Variants in VAV3 observed in about 807,000 individuals in gnomAD.
VAV3 encodes vav guanine nucleotide exchange factor 3.
In VAV3, 94 loss-of-function variants were observed where a neutral mutation model predicts 131.2. That is an observed-to-expected ratio of 0.72 (90% CI 0.61 to 0.85). The LOEUF (loss-of-function observed/expected upper bound fraction) is 0.85, where lower values mean the gene tolerates loss of function less well. Ranked by LOEUF, VAV3 falls within the 40% of genes least tolerant of loss-of-function variation. VAV3 has a pLI of 0.00. For synonymous variants in VAV3, 349 were observed against 342.0 expected (o/e 1.02, Z -0.22); for missense variants, 939 against 1,002.7 (o/e 0.94, Z 0.86).
At chr1:107,637,516 A>T (rs1655020843) in intron 20 of VAV3, among the ~76,000 whole-genome samples, 1 of 152,056 alleles carries the variant, frequency 6.6e-6, no homozygotes, top group South Asian at 2.1e-4. Context: ...CCAGCTACTC[A>T]TGTGGCTGAG....
At chr1:107,585,709 G>T (rs1650427698) in intron 25 of VAV3, among the ~76,000 whole-genome samples, 1 of 152,130 alleles carries the variant, frequency 6.6e-6, no homozygotes, top group South Asian at 2.1e-4. Context: ...CACCACTAGT[G>T]CCATGTGATG....
chr1:107,669,725 T>G (rs1657651850), intron 19 of VAV3, among the ~76,000 whole-genome samples: 2 of 152,118 alleles, frequency 1.3e-5, no homozygotes, highest in Non-Finnish European at 2.9e-5. Context: ...CATCTATTCG[T>G]GAGGTGCTGT....
chr1:107,749,174 A>G (rs1425242925), intron 14 of VAV3, 97 bp from the exon 15 acceptor site: 10 of 943,572 alleles, frequency 1.1e-5, no homozygotes, highest in Non-Finnish European at 1.6e-5. Context: ...TCCTCACAAT[A>G]TTATCAATGT....
In VAV3 at chr1:107,704,558, T is replaced by C. The variant is rs1660330377; in HGVS notation, c.1697A>G (p.Asn566Ser). The change falls in exon 17 of 27, where the codon AAT becomes AGT. Residue 566 changes from asparagine (N) to serine (S), a missense_variant. Asn to Ser is a conservative substitution (Grantham distance 46). Transcript: ENST00000370056. ...CAATAAACATGACTTACCACCAGAA[T>C]TAACTCTGCCACAATTGTCTACTCT... ...LGRVDNCGRV[N>S]SGEQGTLKLP... The C allele has an allele frequency of 1.2e-6, 2 of 1,612,994 alleles. No individual in the cohort carries two copies. The highest frequency in any genetic ancestry group is 4.5e-5 in the East Asian group (2 of 44,842).
chr1:107,597,513 G>T (rs1570584168), intron 24 of VAV3, among the ~76,000 whole-genome samples: 3 of 152,202 alleles, frequency 2.0e-5, no homozygotes, highest in African/African-American at 7.2e-5. Context: ...AAGTTCAAAG[G>T]CAGGAGAGAG....
At chr1:107,935,528 T>C (rs958111066) in intron 1 of VAV3, among the ~76,000 whole-genome samples, 12 of 152,202 alleles carry the variant, frequency 7.9e-5, no homozygotes, top group African/African-American at 1.7e-4. Context: ...AATTTGGTCC[T>C]CAGTCCCTAA....
At chr1:107,924,126 T>G (rs1235986769) in intron 1 of VAV3, among the ~76,000 whole-genome samples, 1 of 152,160 alleles carries the variant, frequency 6.6e-6, no homozygotes, top group Non-Finnish European at 1.5e-5. Flanking sequence ...AGAAGGGACA[T>G]GGCCATGGAT....
chr1:107,705,182 C>T (rs1660369442), intron 15 of VAV3, 121 bp from the exon 16 acceptor site: 2 of 736,016 alleles, frequency 2.7e-6, no homozygotes, highest in Non-Finnish European at 2.3e-6. Context: ...AGCAAAATGA[C>T]TACTAAATGT....
chr1:107,930,155 T>C (rs1250588450), intron 1 of VAV3, among the ~76,000 whole-genome samples: 1 of 152,102 alleles, frequency 6.6e-6, no homozygotes, highest in Non-Finnish European at 1.5e-5. Flanking sequence ...AAAATAATTG[T>C]ACATTTAATA....
intron 11 of VAV3, 127 bp from the exon 12 acceptor site, chr1:107,755,640 G>T: frequency 1.6e-6 from 1 of 643,320 alleles, no homozygotes; most frequent in Non-Finnish European, 2.6e-6. Context: ...TTCAAAGACA[G>T]TAAAATGAAT....
At chr1:107,687,274 C>T (rs189394527) in intron 18 of VAV3, among the ~76,000 whole-genome samples, 2 of 152,218 alleles carry the variant, frequency 1.3e-5, no homozygotes, top group South Asian at 2.1e-4. Flanking sequence ...ATATCACACT[C>T]TTGATATCCT....
intron 1 of VAV3, among the ~76,000 whole-genome samples, chr1:107,956,067 G>A (rs1674795320): frequency 1.3e-5 from 2 of 152,234 alleles, no homozygotes; most frequent in South Asian, 4.1e-4. Flanking sequence ...GAGCATCGGG[G>A]TAAGAGTGAA....
intron 2 of VAV3, among the ~76,000 whole-genome samples, chr1:107,854,269 C>T (rs1474141910): frequency 6.6e-6 from 1 of 152,096 alleles, no homozygotes; most frequent in East Asian, 1.9e-4. Context: ...GAGATTGTAC[C>T]ACTGCATTCC....
chr1:107,766,708 G>T (rs1188507561), intron 7 of VAV3, among the ~76,000 whole-genome samples, 158 bp from the exon 8 acceptor site: 1 of 152,018 alleles, frequency 6.6e-6, no homozygotes, highest in Non-Finnish European at 1.5e-5. Flanking sequence ...GAGGGAAAAG[G>T]AGAGTGGGGA....
intron 1 of VAV3, among the ~76,000 whole-genome samples, chr1:107,890,247 G>C (rs867656398): frequency 1.9e-4 from 29 of 151,992 alleles, no homozygotes; most frequent in African/African-American, 9.7e-5. Flanking sequence ...CATATATATT[G>C]TTATCTGTAT....
intron 2 of VAV3, among the ~76,000 whole-genome samples, chr1:107,823,307 T>G (rs927808238): frequency 1.3e-5 from 2 of 152,174 alleles, no homozygotes; most frequent in Admixed American, 1.3e-4. Flanking sequence ...AAGAAGCACA[T>G]ATATGAATTT....
chr1:107,776,541 C>G (rs1229617561), intron 4 of VAV3, among the ~76,000 whole-genome samples: 1 of 152,186 alleles, frequency 6.6e-6, no homozygotes, highest in Non-Finnish European at 1.5e-5. Flanking sequence ...AAGGCTAAAA[C>G]AAGCCCAGTG....
intron 25 of VAV3, among the ~76,000 whole-genome samples, chr1:107,592,354 G>T (rs1345107581): frequency 6.6e-6 from 1 of 152,030 alleles, no homozygotes; most frequent in Non-Finnish European, 1.5e-5. Flanking sequence ...ATATTAGGAG[G>T]TACATGATAT....
chr1:107,962,346 G>T (rs1053463614), intron 1 of VAV3, among the ~76,000 whole-genome samples: 7 of 152,126 alleles, frequency 4.6e-5, no homozygotes, highest in Non-Finnish European at 7.3e-5. Context: ...AATGTCTAGG[G>T]TTATCAGCCC....
Sources: gnomAD v4.1 joint callset for allele counts (sites outside exome capture counted in the v4.1 genomes callset) on GRCh38, gnomAD v4.1.1 for gene constraint, MANE v1.5 for transcripts, NCBI Gene and HGNC (gene_info 2026-07-23, HGNC 2026-07-21) for gene names.